CELF4: variants seen among roughly 807,000 people sequenced by gnomAD.
CELF4 encodes CUG-BP- and ETR-3-like factor 4.
In CELF4, 18 loss-of-function variants were observed where a neutral mutation model predicts 59.9. That is an observed-to-expected ratio of 0.30 (90% confidence interval 0.21 to 0.45). The LOEUF (loss-of-function observed/expected upper bound fraction) is 0.45, where lower values mean the gene tolerates loss of function less well. Ranked by LOEUF, CELF4 falls within the 20% of genes least tolerant of loss-of-function variation. The probability of loss-of-function intolerance (pLI) is 1.00; values close to 1 mark genes in which losing one functional copy is unlikely to be tolerated. For missense variants in CELF4, 456 were observed against 689.0 expected, an observed-to-expected ratio of 0.66 and a Z score of 3.79; for synonymous variants, 261 against 267.1, an observed-to-expected ratio of 0.98 and a Z score of 0.22.
chr18:37,433,396 G>A (rs1441321192), intron 2 of CELF4, among the ~76,000 whole-genome samples: 1 of 152,094 alleles, frequency 6.6e-6, no homozygotes, highest in Non-Finnish European at 1.5e-5. Flanking sequence ...CTTCTCTGTG[G>A]GGTCATCATT....
intron 2 of CELF4, among the ~76,000 whole-genome samples, chr18:37,445,324 A>T (rs767075730): frequency 3.3e-5 from 5 of 149,346 alleles, no homozygotes; most frequent in Non-Finnish European, 7.4e-5. Flanking sequence ...ATTCTCCCCC[A>T]GGGGAGCAGA....
At chr18:37,491,730 G>T (rs1274735450) in intron 1 of CELF4, among the ~76,000 whole-genome samples, 2 of 152,186 alleles carry the variant, frequency 1.3e-5, no homozygotes, top group African/African-American at 4.8e-5. Context: ...GTGCTGTCGG[G>T]CTAGGGTGCA....
intron 2 of CELF4, among the ~76,000 whole-genome samples, chr18:37,466,112 C>T (rs956404297): frequency 3.5e-4 from 54 of 152,322 alleles, no homozygotes; most frequent in African/African-American, 1.2e-3. Context: ...AGCTAAGTCG[C>T]GCCTGCTCTT....
intron 2 of CELF4, among the ~76,000 whole-genome samples, chr18:37,444,185 G>C (rs746695169): frequency 6.6e-6 from 1 of 152,098 alleles, no homozygotes; most frequent in Non-Finnish European, 1.5e-5. Context: ...GTGAGACCCT[G>C]ACCCTGAGCC....
intron 2 of CELF4, among the ~76,000 whole-genome samples, chr18:37,432,521 A>G (rs1294151045): frequency 6.6e-6 from 1 of 152,260 alleles, no homozygotes; most frequent in Non-Finnish European, 1.5e-5. Flanking sequence ...GGACCAAGCA[A>G]AGCAAATCCT....
intron 1 of CELF4, among the ~76,000 whole-genome samples, chr18:37,548,156 GT>G (rs1343607499): frequency 4.6e-5 from 7 of 152,160 alleles, no homozygotes; most frequent in African/African-American, 1.7e-4. Flanking sequence ...GTGTGTGTGT[GT>G]TTTTTCAGAT....
intron 1 of CELF4, among the ~76,000 whole-genome samples, chr18:37,519,473 GA>G (rs759728572): frequency 4.6e-5 from 7 of 151,154 alleles, no homozygotes; most frequent in Admixed American, 6.6e-5. Context: ...GATTAAAAAA[GA>G]AAAAAAAATT....
chr18:37,424,942 C>T (rs1487612338), intron 2 of CELF4, among the ~76,000 whole-genome samples: 1 of 152,186 alleles, frequency 6.6e-6, no homozygotes, highest in East Asian at 1.9e-4. Context: ...GAATCTGACC[C>T]TCAACCTGCA....
chr18:37,516,021 T>C (rs2099950282), intron 1 of CELF4, among the ~76,000 whole-genome samples: 1 of 152,168 alleles, frequency 6.6e-6, no homozygotes. Flanking sequence ...AGTGAATGAA[T>C]GAATGAATGT....
At chr18:37,250,166 A>G (rs574078400) in intron 12 of CELF4, among the ~76,000 whole-genome samples, 47 of 152,232 alleles carry the variant, frequency 3.1e-4, no homozygotes, top group Admixed American at 1.5e-3. Context: ...GGCCACATGC[A>G]TGTTTTTGCC....
At chr18:37,410,738 T>C (rs1353373737) in intron 2 of CELF4, among the ~76,000 whole-genome samples, 2 of 152,210 alleles carry the variant, frequency 1.3e-5, no homozygotes, top group Admixed American at 1.3e-4. Context: ...TGAGTCAGCC[T>C]GCACACCCCC....
chr18:37,492,315 C>T (rs761066755), intron 1 of CELF4, among the ~76,000 whole-genome samples: 28 of 152,170 alleles, frequency 1.8e-4, no homozygotes, highest in Non-Finnish European at 3.4e-4. Context: ...TGCCTGAAAT[C>T]ACAGCCTGGG....
chr18:37,460,238 A>T (rs2099789856), intron 2 of CELF4, among the ~76,000 whole-genome samples: 1 of 152,200 alleles, frequency 6.6e-6, no homozygotes, highest in Non-Finnish European at 1.5e-5. Flanking sequence ...AAGTCCAGAG[A>T]TGATCACCCA....
At chr18:37,362,749 T>G (rs1054621898) in intron 2 of CELF4, among the ~76,000 whole-genome samples, 2 of 152,120 alleles carry the variant, frequency 1.3e-5, no homozygotes, top group African/African-American at 2.4e-5. Context: ...TCTCCCTCTC[T>G]TGCCAGTCAC....
intron 3 of CELF4, among the ~76,000 whole-genome samples, chr18:37,278,513 C>T (rs1374620733): frequency 6.6e-6 from 1 of 152,208 alleles, no homozygotes; most frequent in South Asian, 2.1e-4. Flanking sequence ...GACTCCCCCT[C>T]CCGCTCCCCT....
At chr18:37,542,080 C>T (rs981273958) in intron 1 of CELF4, among the ~76,000 whole-genome samples, 4 of 152,082 alleles carry the variant, frequency 2.6e-5, no homozygotes, top group African/African-American at 9.7e-5. Context: ...ATTATTCAAT[C>T]CTGATGGTGT....
intron 2 of CELF4, among the ~76,000 whole-genome samples, chr18:37,387,791 A>C (rs1355717044): frequency 6.6e-6 from 1 of 152,174 alleles, no homozygotes; most frequent in Non-Finnish European, 1.5e-5. Context: ...TTCCAGCTGT[A>C]ATCCCAGTAG....
intron 2 of CELF4, among the ~76,000 whole-genome samples, chr18:37,410,099 T>G (rs114279625): frequency 6.6e-6 from 1 of 152,102 alleles, no homozygotes; most frequent in Non-Finnish European, 1.5e-5. Context: ...CCCGTGCCGA[T>G]GTGTGTGAGG....
intron 2 of CELF4, among the ~76,000 whole-genome samples, chr18:37,394,891 G>C (rs1339749867): frequency 6.6e-6 from 1 of 151,680 alleles, no homozygotes; most frequent in Admixed American, 6.6e-5. Context: ...TCCCTCCCTG[G>C]CAGGCCTGTC....
Sources: allele counts gnomAD v4.1 joint callset (sites outside exome capture counted in the v4.1 genomes callset), GRCh38; gene constraint gnomAD v4.1.1; transcripts MANE v1.5; gene names NCBI Gene and HGNC (gene_info 2026-07-23, HGNC 2026-07-21).